The following CUL7 variants were observed in gnomAD, a reference collection of about 807,000 sequenced individuals.
The protein encoded by CUL7 is cullin-7.
A neutral mutation model predicts 177.7 loss-of-function variants in CUL7; 96 were observed. The ratio of observed to expected loss-of-function variants is 0.54; its 90% CI spans 0.46 to 0.64. The LOEUF (loss-of-function observed/expected upper bound fraction) is 0.64, where lower values mean the gene tolerates loss of function less well. Among genes scored for constraint, CUL7 ranks in the 30% least tolerant of loss-of-function variants. CUL7 has a pLI of 0.00. For missense variants in CUL7, 1,893 were observed against 2,187.9 expected, an observed-to-expected ratio of 0.87 and a Z score of 2.69; for synonymous variants, 824 against 890.2, an observed-to-expected ratio of 0.93 and a Z score of 1.32.
At chr6:43,041,760 CTT>C (rs1763436469) in intron 19 of CUL7, among the ~76,000 whole-genome samples, 1 of 151,688 alleles carries the variant, frequency 6.6e-6, no homozygotes, top group African/African-American at 2.4e-5. Context: ...AATCCCAACA[CTT>C]TGGGAGGGTG....
rs777356276 is a variant in CUL7, at chr6:43,051,915, A to G, written c.581-152T>C. ...AGCTAAAATTTGCTAACTTATACAC[A>G]TACACACACACACGCACATAAACAC... On this transcript the variant is annotated intron_variant, in intron 2 of 25. Coordinates refer to ENST00000265348, the MANE Select transcript of CUL7 (RefSeq NM_014780.5). This position sits in a 1 kb window ranked among gnomAD's most constrained non-coding sequence, Gnocchi z 5.0. The G allele has an allele frequency of 2.1e-5, 22 of 1,052,292 alleles. No homozygotes were observed. Among genetic ancestry groups the G allele is most frequent in the Non-Finnish European group, 3.1e-5 (21 of 684,698 alleles). 65.2% of individuals were successfully genotyped at this position (1,052,292 alleles called of 1,614,324 possible). A position where few individuals can be genotyped will look rare whatever the true frequency, so the allele number is the denominator to read the frequency against.
Position 43,043,205 on chromosome 6 carries a change from A to G in CUL7, c.3356-25T>C. On this transcript the variant is annotated intron_variant, in intron 17 of 25. Transcript: ENST00000265348. The surrounding 1 kb of genome is among the most constrained non-coding windows in gnomAD (Gnocchi z 4.2). ...TCTGTAGAGACCAAGAAAGTGGCAG[A>G]GGCAAGGAGGGTGCAGCCCCTCCAC... 6.3e-7 allele frequency: 1 copy of G among 1,587,380 alleles called. No individual in the cohort carries two copies. The highest frequency in any genetic ancestry group is 8.6e-7 in the Non-Finnish European group (1 of 1,157,024).
intron 7 of CUL7, among the ~76,000 whole-genome samples, 160 bp downstream of exon 7, chr6:43,049,247 G>A (rs1049971844): frequency 2.0e-5 from 3 of 152,114 alleles, no homozygotes; most frequent in Admixed American, 6.5e-5. Flanking sequence ...ATTCTTTGAG[G>A]GAACACAATG....
At chr6:43,044,562 TC>T (rs1272019509) in intron 16 of CUL7, among the ~76,000 whole-genome samples, 189 bp downstream of exon 16, 1 of 151,002 alleles carries the variant, frequency 6.6e-6, no homozygotes, top group Non-Finnish European at 1.5e-5. Context: ...ACTTATGGTG[TC>T]CCCTGACACT....
intron 19 of CUL7, among the ~76,000 whole-genome samples, chr6:43,041,935 C>T (rs1261090696): frequency 2.3e-5 from 3 of 131,226 alleles, no homozygotes; most frequent in Non-Finnish European, 4.7e-5. Context: ...ACCTGGGAGG[C>T]GGAGGTTGTG....
Position 43,045,975 on chromosome 6 carries a change from T to C in CUL7, c.2766+11A>G, listed in dbSNP as rs1271990170. ...GGGGTGGAGTAATGGCTAATGGCCC[T>C]GGGGTCCTACCGAGTTGAGTTCCGT... On this transcript the variant is annotated intron_variant, in intron 13 of 25. Transcript: ENST00000265348. The surrounding 1 kb of genome is among the most constrained non-coding windows in gnomAD (Gnocchi z 4.8). The C allele has an allele frequency of 3.1e-6, 5 of 1,605,516 alleles. No individual in the cohort carries two copies. The highest frequency in any genetic ancestry group is 1.3e-5 in the African/African-American group (1 of 74,722).
At position 43,050,976 on chromosome 6, in the gene CUL7, G is replaced by C; in HGVS notation, c.1225C>G (p.Pro409Ala). The C allele has an allele frequency of 1.2e-6, 2 of 1,613,992 alleles. No homozygotes were observed. Among genetic ancestry groups the C allele is most frequent in the Non-Finnish European group, 1.7e-6 (2 of 1,180,012 alleles). ...CACCATGTGCCACTCACCTGCACAG[G>C]AGGCACACCGTTGTTGCTCTGCCGA... ...EFRQSNNGVPPVQVFWESTGR... is the reference protein window; with the variant it reads ...EFRQSNNGVPAVQVFWESTGR... Residue 409 changes from proline to alanine, a missense_variant, in exon 4 of 26, where the codon CCT becomes GCT. By Grantham distance (27) the Pro-to-Ala change is conservative. Coordinates refer to ENST00000265348, the MANE Select transcript of CUL7 (RefSeq NM_014780.5). This position sits in a 1 kb window ranked among gnomAD's most constrained non-coding sequence, Gnocchi z 4.1.
rs1363870771 is a variant in CUL7 at position 43,048,561 on chromosome 6, G to A, written c.1834C>T (p.Pro612Ser). ...EDAAKVEAKE[P>S]PSQSPNTPLQ... ...GGAGTGTTGGGACTCTGAGATGGGG[G>A]TTCTTTTGCTACAGGAAGGGGACAG... Residue 612 changes from proline (P) to serine (S), a missense_variant, in exon 8 of 26, where the codon CCC (proline) becomes TCC (serine). By Grantham distance (74) the Pro-to-Ser change is moderately conservative. Around this residue, in one of 5 missense-constraint regions of CUL7, gnomAD observed 973 missense variants for 1,140.9 expected, o/e 0.85. Coordinates refer to ENST00000265348, the MANE Select transcript of CUL7 (RefSeq NM_014780.5). 2.5e-6 allele frequency: 4 copies of A among 1,613,280 alleles called. No homozygotes were observed. Among genetic ancestry groups the A allele is most frequent in the Admixed American group, 3.3e-5 (2 of 59,992 alleles).
intron 19 of CUL7, among the ~76,000 whole-genome samples, chr6:43,041,615 AAGAG>A (rs533262688): frequency 1.6e-3 from 241 of 151,006 alleles, no homozygotes; most frequent in African/African-American, 5.4e-3. Flanking sequence ...GAAGTAAAGA[AAGAG>A]AAAGAAAGGG....
At position 43,048,560 on chromosome 6, in the gene CUL7, G is replaced by C. The variant is rs1320746461; in HGVS notation, c.1835C>G (p.Pro612Arg). The C allele has an allele frequency of 6.2e-7, 1 of 1,613,418 alleles. No homozygotes were observed. Among genetic ancestry groups the C allele is most frequent in the East Asian group, 2.2e-5 (1 of 44,868 alleles). The change falls in exon 8 of 26, where the codon CCC (proline) becomes CGC (arginine). Residue 612 changes from proline to arginine, a missense_variant. Coordinates refer to ENST00000265348, the MANE Select transcript of CUL7 (RefSeq NM_014780.5). ...GGGAGTGTTGGGACTCTGAGATGGG[G>C]GTTCTTTTGCTACAGGAAGGGGACA... The part of the protein sequence containing the change: ...EDAAKVEAKE[P>R]PSQSPNTPLQ...
At chr6:43,046,444 G>A (rs1763912681) in intron 11 of CUL7, 37 bp from the exon 12 acceptor site, 2 of 1,614,096 alleles carry the variant, frequency 1.2e-6, no homozygotes, top group African/African-American at 1.3e-5. Flanking sequence ...GTCACGGTCA[G>A]GTAGGGTGTA....
intron 9 of CUL7, 74 bp downstream of exon 9, chr6:43,048,074 C>A: frequency 1.1e-6 from 1 of 930,960 alleles, no homozygotes; most frequent in Non-Finnish European, 1.7e-6. Flanking sequence ...CAGAGCCTTG[C>A]CCAGCAGGTG....
In CUL7 at chr6:43,037,710, T is replaced by G; in HGVS notation, c.5075A>C (p.Gln1692Pro). The G allele has an allele frequency of 6.4e-7, 1 of 1,559,040 alleles. No homozygotes were observed. Residue 1692 changes from glutamine (Q) to proline (P), a missense_variant, in exon 26 of 26, where the codon CAG becomes CCG. By Grantham distance (76) the Gln-to-Pro change is moderately conservative. Transcript: ENST00000265348. ...GGGCTACCGGAAGGTAGAGAAGCTCTGGGTGGCAGTGCAGGAGGCATAGGG... is the reference window on the plus strand; with the variant it reads ...GGGCTACCGGAAGGTAGAGAAGCTCGGGGTGGCAGTGCAGGAGGCATAGGG... ...GVPYASCTATQSFSTFR is the reference protein window; with the variant it reads ...GVPYASCTATPSFSTFR
Position 43,043,112 on chromosome 6 carries a change from T to A in CUL7, c.3424A>T (p.Asn1142Tyr), listed in dbSNP as rs371823082. 1.9e-6 allele frequency: 3 copies of A among 1,614,002 alleles called. No individual in the cohort carries two copies. Among genetic ancestry groups the A allele is most frequent in the Non-Finnish European group, 2.5e-6 (3 of 1,180,030 alleles). ...ACGGCCCGCCAACAGCGCGTCAGGT[T>A]TCTCATGATGCTGCTTGGAAGGCCC... ...TRGLPSSIMR[N>Y]LTRCWRAVVE... The change falls in exon 18 of 26, where the codon AAC (asparagine) becomes TAC (tyrosine). Residue 1142 changes from asparagine (N) to tyrosine (Y), a missense_variant. Physicochemically the swap from Asn to Tyr is moderately radical, Grantham distance 143. Coordinates refer to ENST00000265348, the MANE Select transcript of CUL7 (RefSeq NM_014780.5). The surrounding 1 kb of genome is among the most constrained non-coding windows in gnomAD (Gnocchi z 4.2).
In CUL7 at chr6:43,037,906, G is replaced by A. The variant is rs767266891; in HGVS notation, c.4879C>T (p.His1627Tyr). Residue 1627 changes from histidine to tyrosine, a missense_variant, in exon 26 of 26, where the codon CAC (histidine) becomes TAC (tyrosine). By Grantham distance (83) the His-to-Tyr change is moderately conservative. Coordinates refer to ENST00000265348, the MANE Select transcript of CUL7 (RefSeq NM_014780.5). The part of the protein sequence containing the change: ...SSTDVLSCIL[H>Y]LLGKGTLRRH... The stretch of plus-strand genomic sequence containing the variant: ...CTCAGCGTGCCCTTGCCCAGGAGGT[G>A]TAGGATGCAGGAGAGGACGTCAGTG... 1.2e-5 allele frequency: 19 copies of A among 1,612,798 alleles called. No individual in the cohort carries two copies. The highest frequency in any genetic ancestry group is 1.6e-5 in the Non-Finnish European group (19 of 1,179,008).
rs1763854033 is a variant in CUL7 at position 43,045,817 on chromosome 6, C to G, written c.2767-135G>C. 1 of 1,141,712 alleles carries G rather than the reference C, an allele frequency of 8.8e-7. No individual in the cohort carries two copies. Among genetic ancestry groups the G allele is most frequent in the Admixed American group, 1.9e-5 (1 of 51,286 alleles). 70.7% of individuals were successfully genotyped at this position (1,141,712 alleles called of 1,614,324 possible). A position where few individuals can be genotyped will look rare whatever the true frequency, so the allele number is the denominator to read the frequency against. ...GGTCCTGACAAAGCTGTCCTCATGCCACCCTCATTGTTCAGGGCCTGGTGG... is the reference window on the plus strand; with the variant it reads ...GGTCCTGACAAAGCTGTCCTCATGCGACCCTCATTGTTCAGGGCCTGGTGG... On this transcript the variant is annotated intron_variant, in intron 13 of 25. Coordinates refer to ENST00000265348, the MANE Select transcript of CUL7 (RefSeq NM_014780.5). The surrounding 1 kb of genome is among the most constrained non-coding windows in gnomAD (Gnocchi z 4.8).
rs78467939 is a variant in CUL7 at position 43,045,781 on chromosome 6, G to A, written c.2767-99C>T. ...CTGTTTCCCTCCCTTCCCCAGCCCT[G>A]GGATGTGTAGGGTCCTGACAAAGCT... On this transcript the variant is annotated intron_variant, in intron 13 of 25. Coordinates refer to ENST00000265348, the MANE Select transcript of CUL7 (RefSeq NM_014780.5). This position sits in a 1 kb window ranked among gnomAD's most constrained non-coding sequence, Gnocchi z 4.8. 31 of 1,357,494 alleles carry A rather than the reference G, an allele frequency of 2.3e-5. No homozygotes were observed. The East Asian group carries it at 7.3e-4, about 32-fold the overall frequency. The allele number at this position is 1,357,494 out of a possible 1,614,324, so 84.1% of individuals were successfully genotyped here. A position where few individuals can be genotyped will look rare whatever the true frequency, so the allele number is the denominator to read the frequency against.
Position 43,051,546 on chromosome 6 carries a change from G to A in CUL7, c.732+66C>T. The A allele has an allele frequency of 1.2e-6, 2 of 1,613,528 alleles. No individual in the cohort carries two copies. The highest frequency in any genetic ancestry group is 2.7e-5 in the African/African-American group (2 of 75,028). On this transcript the variant is annotated intron_variant, in intron 3 of 25. Transcript: ENST00000265348. This position sits in a 1 kb window ranked among gnomAD's most constrained non-coding sequence, Gnocchi z 5.0. ...CTCTCCATACCATCCTCTGCAGATA[G>A]GTGCAAAGGCCTGGACCCTAGATCT...
In CUL7 at chr6:43,050,915, T is replaced by C; in HGVS notation, c.1233+53A>G. ...CCCCCCCATATAGAAGTCCCAGCTCTGCCCTACCCCAAATAGACCCCCAAC... is the reference window on the plus strand; with the variant it reads ...CCCCCCCATATAGAAGTCCCAGCTCCGCCCTACCCCAAATAGACCCCCAAC... On this transcript the variant is annotated intron_variant, in intron 4 of 25. Transcript: ENST00000265348. The surrounding 1 kb of genome is among the most constrained non-coding windows in gnomAD (Gnocchi z 4.1). The C allele has an allele frequency of 6.2e-7, 1 of 1,607,006 alleles. No homozygotes were observed. Among genetic ancestry groups the C allele is most frequent in the Non-Finnish European group, 8.5e-7 (1 of 1,177,748 alleles).
Sources: gnomAD v4.1 joint callset for allele counts (sites outside exome capture counted in the v4.1 genomes callset) on GRCh38, gnomAD v4.1.1 for gene constraint, gnomAD v4.1.1 regional missense constraint, Gnocchi (gnomAD v3.1) non-coding constraint, MANE v1.5 for transcripts, NCBI Gene and HGNC (gene_info 2026-07-23, HGNC 2026-07-21) for gene names.